The following CHIC1 variants were observed in gnomAD, a reference collection of about 807,000 sequenced individuals.
CHIC1 encodes cysteine rich hydrophobic domain 1, also known as cysteine-rich hydrophobic domain-containing protein 1.
Under a neutral mutation model 18.5 loss-of-function variants are expected in CHIC1, and 7 were observed. The ratio of observed to expected loss-of-function variants is 0.38; its 90% CI spans 0.22 to 0.71. The LOEUF is 0.71. Among genes scored for constraint, CHIC1 ranks in the 30% least tolerant of loss-of-function variants. The pLI is 0.49. For synonymous variants in CHIC1, 77 were observed against 73.5 expected (o/e 1.05, Z -0.25); for missense variants, 159 against 176.9 (o/e 0.90, Z 0.57).
rs1339373657 is a variant in CHIC1 at position 73,685,729 on chromosome X, T to C, written c.*4724T>C. 6 of 111,964 alleles carry C rather than the reference T, an allele frequency of 5.4e-5. No homozygotes were observed. The allele number at this position is 111,964 out of a possible 1,213,427, so 9.2% of individuals were successfully genotyped here. A position where few individuals can be genotyped will look rare whatever the true frequency, so the allele number is the denominator to read the frequency against. The stretch of plus-strand genomic sequence containing the variant: ...TACTGGATATCATAATTATATAATT[T>C]CTAAATAGATTTCTTTAAATCCATG... On this transcript the variant is annotated 3_prime_UTR_variant, in exon 6 of 6. Coordinates refer to ENST00000373502, the MANE Select transcript of CHIC1 (RefSeq NM_001039840.4).
intron 3 of CHIC1, among the ~76,000 whole-genome samples, chrX:73,632,059 A>G (rs755251457): frequency 3.6e-5 from 4 of 111,858 alleles, no homozygotes; most frequent in Non-Finnish European, 7.5e-5. Flanking sequence ...TTTGTTTTAC[A>G]TTCTTATTCA....
At chrX:73,588,255 C>G (rs1233595276) in intron 3 of CHIC1, among the ~76,000 whole-genome samples, 2 of 110,884 alleles carry the variant, frequency 1.8e-5, no homozygotes, top group Admixed American at 9.6e-5. Context: ...ACCTTGTGAT[C>G]ACTTTTTGTC....
intron 1 of CHIC1, among the ~76,000 whole-genome samples, chrX:73,566,867 C>T (rs181048994): frequency 1.8e-5 from 2 of 111,761 alleles, no homozygotes; most frequent in Non-Finnish European, 3.8e-5. Context: ...AACACACAGG[C>T]CTTCAGAGGC....
chrX:73,677,152 G>A (rs1420898473), intron 3 of CHIC1, among the ~76,000 whole-genome samples: 3 of 112,042 alleles, frequency 2.7e-5, no homozygotes, highest in African/African-American at 9.7e-5. Flanking sequence ...ACTGGGGTGT[G>A]CCTCCCAGTT....
chrX:73,663,939 G>A (rs1011198455), intron 3 of CHIC1, among the ~76,000 whole-genome samples: 1 of 111,252 alleles, frequency 9.0e-6, no homozygotes, highest in African/African-American at 3.3e-5. Context: ...AGACTTAATC[G>A]CCCTAGGACT....
At chrX:73,574,259 G>A (rs1018391852) in intron 1 of CHIC1, among the ~76,000 whole-genome samples, 2 of 110,944 alleles carry the variant, frequency 1.8e-5, no homozygotes, top group Non-Finnish European at 3.8e-5. Context: ...AACCAACCTT[G>A]CATCCCAGGA....
rs1195964609 is a variant in CHIC1 at position 73,681,584 on chromosome X, GT to G, written c.*580del. 1.8e-5 allele frequency: 2 copies of G among 112,279 alleles called. No homozygotes were observed. The highest frequency in any genetic ancestry group is 6.5e-5 in the African/African-American group (2 of 30,987). 9.3% of individuals were successfully genotyped at this position (112,279 alleles called of 1,213,427 possible). A position where few individuals can be genotyped will look rare whatever the true frequency, so the allele number is the denominator to read the frequency against. On this transcript the variant is annotated 3_prime_UTR_variant, in exon 6 of 6. Transcript: ENST00000373502. ...TGTAAATATTGCCTCTTTGCATAAT[GT>G]AAAATGTGGTATGCCATGGTTTACA...
intron 3 of CHIC1, among the ~76,000 whole-genome samples, chrX:73,645,704 G>A (rs935429583): frequency 2.8e-4 from 31 of 111,773 alleles, no homozygotes; most frequent in African/African-American, 1.0e-3. Flanking sequence ...CTACCTGTAT[G>A]TCTTCTTTTG....
At chrX:73,582,945 G>GT (rs1194726275) in intron 2 of CHIC1, among the ~76,000 whole-genome samples, 1 of 110,109 alleles carries the variant, frequency 9.1e-6, no homozygotes, top group Non-Finnish European at 1.9e-5. Flanking sequence ...GTTTGTTAGT[G>GT]TTTTCTAATT....
chrX:73,597,333 GTTGT>G (rs2057614732), intron 3 of CHIC1, among the ~76,000 whole-genome samples: 2 of 110,100 alleles, frequency 1.8e-5, no homozygotes, highest in Admixed American at 9.7e-5. Flanking sequence ...TTCTCTCTAG[GTTGT>G]TTATTTGTTC....
At chrX:73,668,189 G>T (rs1199285487) in intron 3 of CHIC1, among the ~76,000 whole-genome samples, 2 of 111,958 alleles carry the variant, frequency 1.8e-5, no homozygotes, top group African/African-American at 3.2e-5. Context: ...TGAAGTTCTT[G>T]TATATTTTTC....
chrX:73,672,778 C>A (rs1466893598), intron 3 of CHIC1, among the ~76,000 whole-genome samples: 2 of 111,755 alleles, frequency 1.8e-5, no homozygotes, highest in African/African-American at 6.5e-5. Context: ...AATTAGATCC[C>A]ATTTGTCAAT....
Position 73,619,640 on chromosome X carries a change from T to C in CHIC1, c.507+35068T>C, listed in dbSNP as rs1045329984. ...TAAACTGATGACAAGTTAACAATTA[T>C]ATAAAAACAAGCAAGCAAAGAGAAA... is the stretch of plus-strand genomic sequence containing the variant. On this transcript the variant is annotated intron_variant, in intron 3 of 5. Coordinates refer to ENST00000373502, the MANE Select transcript of CHIC1 (RefSeq NM_001039840.4). Among the ~76,000 whole-genome samples, 18 of 111,999 alleles carry C rather than the reference T, an allele frequency of 1.6e-4. 1 individual carries two copies. The highest frequency in any genetic ancestry group is 3.2e-4 in the Non-Finnish European group (17 of 53,268).
chrX:73,656,211 G>T (rs2057948197), intron 3 of CHIC1, among the ~76,000 whole-genome samples: 1 of 111,635 alleles, frequency 9.0e-6, no homozygotes, highest in South Asian at 3.7e-4. Flanking sequence ...GACCTTTTCA[G>T]ATGGATGGAT....
intron 3 of CHIC1, among the ~76,000 whole-genome samples, chrX:73,620,087 T>A (rs745391331): frequency 8.9e-6 from 1 of 112,547 alleles, no homozygotes; most frequent in African/African-American, 3.2e-5. Flanking sequence ...TGTCACATTT[T>A]CCTTATCCAG....
At chrX:73,601,208 A>T (rs1293586998) in intron 3 of CHIC1, among the ~76,000 whole-genome samples, 2 of 105,123 alleles carry the variant, frequency 1.9e-5, no homozygotes, top group Admixed American at 2.0e-4. Context: ...CACCAAGCAG[A>T]CCTAATAGAC....
chrX:73,655,496 ATATATATATACATATATACACAATATTG>A (rs2057941410), intron 3 of CHIC1, among the ~76,000 whole-genome samples: 1 of 57,126 alleles, frequency 1.8e-5, no homozygotes, highest in Non-Finnish European at 3.2e-5. Flanking sequence ...AATATTGTGT[ATATATATATACATATATACACAATATTG>A]TGTATATATA....
chrX:73,674,527 G>T (rs1255958239), intron 3 of CHIC1, among the ~76,000 whole-genome samples: 4 of 111,806 alleles, frequency 3.6e-5, no homozygotes, highest in African/African-American at 1.3e-4. Context: ...GTGTAGAGCT[G>T]TTTATAGTAT....
chrX:73,672,290 G>A (rs2044268079), intron 3 of CHIC1, among the ~76,000 whole-genome samples: 1 of 111,644 alleles, frequency 9.0e-6, no homozygotes, highest in African/African-American at 3.3e-5. Context: ...ACCCAGTAAT[G>A]GGAAGGCTGG....
Sources: allele counts gnomAD v4.1 joint callset (sites outside exome capture counted in the v4.1 genomes callset), GRCh38; gene constraint gnomAD v4.1.1; transcripts MANE v1.5; gene names NCBI Gene and HGNC (gene_info 2026-07-23, HGNC 2026-07-21).